Variants in MTMR7 observed in about 807,000 individuals in gnomAD.
MTMR7 encodes the protein myotubularin related protein 7.
Under a neutral mutation model 81.2 loss-of-function variants are expected in MTMR7, and 76 were observed. The ratio of observed to expected loss-of-function variants is 0.94; its 90% CI spans 0.78 to 1.13. The LOEUF is 1.13. Ranked by LOEUF, MTMR7 falls within the 50% of genes most tolerant of loss-of-function variation. MTMR7 has a pLI of 0.00. For missense variants in MTMR7, 1,044 were observed against 820.0 expected, an observed-to-expected ratio of 1.27 and a Z score of -3.34; for synonymous variants, 372 against 289.8, an observed-to-expected ratio of 1.28 and a Z score of -2.88.
intron 1 of MTMR7, among the ~76,000 whole-genome samples, chr8:17,391,813 A>G (rs905161766): frequency 2.0e-5 from 3 of 152,194 alleles, no homozygotes; most frequent in Non-Finnish European, 4.4e-5. Flanking sequence ...TAAACATACA[A>G]TTTTTATAAA....
At chr8:17,378,460 C>T (rs1461634539) in intron 1 of MTMR7, among the ~76,000 whole-genome samples, 1 of 152,122 alleles carries the variant, frequency 6.6e-6, no homozygotes, top group Non-Finnish European at 1.5e-5. Flanking sequence ...GTAATTCAGC[C>T]TTACTGTTGG....
intron 8 of MTMR7, 145 bp from the exon 9 acceptor site, chr8:17,311,781 C>G: frequency 7.8e-7 from 1 of 1,288,730 alleles, no homozygotes; most frequent in Non-Finnish European, 1.1e-6. Context: ...AGGGCCCCCC[C>G]TAATTAGGGC....
chr8:17,369,641 CTTTTTTTTTTT>C (rs71212689), intron 3 of MTMR7, among the ~76,000 whole-genome samples: 6 of 106,240 alleles, frequency 5.6e-5, no homozygotes, highest in East Asian at 2.9e-4. Context: ...TTCTTTTTTT[CTTTTTTTTTTT>C]TTTTTTTTTT....
At chr8:17,321,286 G>A (rs375679881) in intron 7 of MTMR7, among the ~76,000 whole-genome samples, 28 of 152,326 alleles carry the variant, frequency 1.8e-4, no homozygotes, top group African/African-American at 6.7e-4. Flanking sequence ...GCCCTAGAAT[G>A]TCCTGCCAGA....
intron 5 of MTMR7, among the ~76,000 whole-genome samples, chr8:17,341,910 C>T (rs1989757): frequency 0.097 from 14,384 of 147,800 alleles, 940 homozygotes; most frequent in Non-Finnish European, 0.15. Flanking sequence ...TTTTTTAATG[C>T]TTTCCAACCT....
intron 7 of MTMR7, among the ~76,000 whole-genome samples, chr8:17,315,904 T>C (rs904025328): frequency 1.3e-5 from 2 of 152,206 alleles, no homozygotes; most frequent in Non-Finnish European, 1.5e-5. Flanking sequence ...TCCCAGCTAC[T>C]TGGGAGGCTG....
At chr8:17,351,173 A>C (rs994793117) in intron 4 of MTMR7, among the ~76,000 whole-genome samples, 9 of 152,256 alleles carry the variant, frequency 5.9e-5, no homozygotes, top group Non-Finnish European at 2.9e-5. Flanking sequence ...GTAGGTTTTC[A>C]GCAAGTTGGG....
intron 1 of MTMR7, among the ~76,000 whole-genome samples, chr8:17,390,929 A>G (rs6993705): frequency 0.07 from 10,583 of 152,188 alleles, 880 homozygotes; most frequent in African/African-American, 0.2. Context: ...CCAAGATGGG[A>G]TTTGGGTGGG....
intron 7 of MTMR7, among the ~76,000 whole-genome samples, chr8:17,321,009 C>A (rs979286871): frequency 6.8e-6 from 1 of 147,750 alleles, no homozygotes; most frequent in Non-Finnish European, 1.5e-5. Flanking sequence ...TTTTTTTTTA[C>A]TGAACAGGCC....
chr8:17,349,713 A>G (rs1819667876), intron 4 of MTMR7, among the ~76,000 whole-genome samples: 1 of 152,184 alleles, frequency 6.6e-6, no homozygotes, highest in African/African-American at 2.4e-5. Context: ...ATTACCGCGC[A>G]ATGTAACAGC....
intron 2 of MTMR7, among the ~76,000 whole-genome samples, chr8:17,371,565 C>G (rs889849818): frequency 4.6e-5 from 7 of 152,056 alleles, no homozygotes; most frequent in African/African-American, 1.4e-4. Flanking sequence ...CTTCTGCAGT[C>G]AACACAAGTT....
At chr8:17,361,303 T>C in intron 3 of MTMR7, 29 bp from the exon 4 acceptor site, 1 of 1,613,122 alleles carries the variant, frequency 6.2e-7, no homozygotes, top group Non-Finnish European at 8.5e-7. Flanking sequence ...TAAAGTTAAA[T>C]CAAGCTTAGT....
At chr8:17,338,916 C>G (rs978639752) in intron 6 of MTMR7, 9 of 152,190 alleles carry the variant, frequency 5.9e-5, no homozygotes, top group African/African-American at 2.2e-4. Context: ...ACACACTTCT[C>G]TCCCGCTGTG....
In MTMR7 at chr8:17,400,393, C is replaced by T. The variant is rs74413732; in HGVS notation, c.24+12876G>A. ...GGCAGAGTGAGGATTCAAAACCAGG[C>T]ATTGTGGCCCCAGAGTGTGTGTTCT... On this transcript the variant is annotated intron_variant, in intron 1 of 13. Coordinates refer to ENST00000180173, the MANE Select transcript of MTMR7 (RefSeq NM_004686.5). 6.0e-4 allele frequency among the ~76,000 whole-genome samples: 92 copies of T among 152,242 alleles called. No individual in the cohort carries two copies. The East Asian group carries it at 7.5e-3, about 12-fold the overall frequency.
intron 2 of MTMR7, among the ~76,000 whole-genome samples, chr8:17,372,510 C>T (rs962715640): frequency 2.0e-5 from 3 of 152,104 alleles, no homozygotes; most frequent in African/African-American, 7.2e-5. Flanking sequence ...ATCACTTGAA[C>T]CCAGGAGGCA....
chr8:17,319,247 TAAAATGGGGATAAAAACACCTTCCTC>T (rs1172823694), intron 7 of MTMR7, among the ~76,000 whole-genome samples: 1 of 152,150 alleles, frequency 6.6e-6, no homozygotes, highest in African/African-American at 2.4e-5. Context: ...TCTTCAAATA[TAAAATGGGGATAAAAACACCTTCCTC>T]AAACAGTTGT....
chr8:17,392,205 T>C lies in MTMR7; in HGVS notation c.25-18965A>G, dbSNP rs1279841595. Among the ~76,000 whole-genome samples, 6 of 152,296 alleles carry C rather than the reference T, an allele frequency of 3.9e-5. No individual in the cohort carries two copies. In the South Asian group the frequency reaches 6.2e-4, roughly 16 times the overall value. ...CTTTAAATAAGGATGAGAAAATATA[T>C]GTACATCTGTGAAAACAAGCATTCC... is the stretch of plus-strand genomic sequence containing the variant. On this transcript the variant is annotated intron_variant, in intron 1 of 13. Coordinates refer to ENST00000180173, the MANE Select transcript of MTMR7 (RefSeq NM_004686.5).
At chr8:17,379,196 G>A (rs1347056896) in intron 1 of MTMR7, among the ~76,000 whole-genome samples, 1 of 152,168 alleles carries the variant, frequency 6.6e-6, no homozygotes, top group South Asian at 2.1e-4. Flanking sequence ...GGGCACTGGT[G>A]GTCTTAGCAG....
At chr8:17,373,013 C>G (rs1190051705) in intron 2 of MTMR7, 105 bp downstream of exon 2, 6 of 1,384,136 alleles carry the variant, frequency 4.3e-6, no homozygotes, top group Non-Finnish European at 5.9e-6. Flanking sequence ...AACATCCAGG[C>G]ACAAAAGCCC....
Sources: allele counts gnomAD v4.1 joint callset (sites outside exome capture counted in the v4.1 genomes callset), GRCh38; gene constraint gnomAD v4.1.1; transcripts MANE v1.5; gene names NCBI Gene and HGNC (gene_info 2026-07-23, HGNC 2026-07-21).